GATB: variants seen among roughly 807,000 people sequenced by gnomAD.
GATB encodes glutamyl-tRNA(Gln) amidotransferase subunit B, mitochondrial.
A neutral mutation model predicts 62.3 loss-of-function variants in GATB; 39 were observed. The ratio of observed to expected loss-of-function variants is 0.63; its 90% confidence interval spans 0.48 to 0.82. The LOEUF (loss-of-function observed/expected upper bound fraction) is 0.82, where lower values mean the gene tolerates loss of function less well. GATB is among the 40% of genes least tolerant of loss of function. The pLI is 0.00. For synonymous variants in GATB, 276 were observed against 258.9 expected, an observed-to-expected ratio of 1.07 and a Z score of -0.63; for missense variants, 670 against 684.0, an observed-to-expected ratio of 0.98 and a Z score of 0.23.
chr4:151,677,079 C>G (rs1414362104), intron 11 of GATB, among the ~76,000 whole-genome samples: 2 of 152,172 alleles, frequency 1.3e-5, no homozygotes, highest in African/African-American at 4.8e-5. Context: ...TCCTTATCCC[C>G]TGGTCATCTA....
intron 2 of GATB, among the ~76,000 whole-genome samples, chr4:151,749,564 C>T (rs1006494226): frequency 7.2e-5 from 11 of 151,846 alleles, no homozygotes; most frequent in Non-Finnish European, 1.0e-4. Flanking sequence ...TGTAAATACA[C>T]CAACATGGCA....
chr4:151,737,103 A>C (rs1177949353), intron 2 of GATB, among the ~76,000 whole-genome samples: 1 of 152,236 alleles, frequency 6.6e-6, no homozygotes. Flanking sequence ...TACCAGGCAG[A>C]GGCTGGAACA....
rs1739893473 is a variant in GATB at position 151,758,896 on chromosome 4, C to T, written c.203G>A (p.Gly68Asp). ...KGEHKWAAVV[G>D]LEIHAQISSN... ...GGAAATCTGGGCATGAATTTCCAAA[C>T]CTACCACAGCAGCCCATTTGTGTTC... Residue 68 changes from glycine to aspartate, a missense_variant, in exon 2 of 13, where the codon GGT becomes GAT. Physicochemically the swap from Gly to Asp is moderately conservative, Grantham distance 94. Transcript: ENST00000263985. 1.2e-6 allele frequency: 2 copies of T among 1,610,322 alleles called. No individual in the cohort carries two copies. Among genetic ancestry groups the T allele is most frequent in the Admixed American group, 1.7e-5 (1 of 59,602 alleles).
chr4:151,715,468 C>G (rs1738895003), intron 5 of GATB, among the ~76,000 whole-genome samples: 1 of 152,218 alleles, frequency 6.6e-6, no homozygotes, highest in African/African-American at 2.4e-5. Context: ...CCCAAGGGTG[C>G]AGGTGTTTCT....
intron 9 of GATB, among the ~76,000 whole-genome samples, chr4:151,694,893 CATG>C (rs1406600247): frequency 1.3e-5 from 2 of 152,220 alleles, no homozygotes; most frequent in Non-Finnish European, 2.9e-5. Context: ...CAGCTGTAGT[CATG>C]ATATCTTTTC....
At position 151,671,216 on chromosome 4, in the gene GATB, TG is replaced by T. The variant is rs1328477472; in HGVS notation, c.1631del (p.Pro544GlnfsTer3). 2.5e-6 allele frequency: 4 copies of T among 1,614,084 alleles called. No individual in the cohort carries two copies. The highest frequency in any genetic ancestry group is 1.3e-5 in the African/African-American group (1 of 74,936). On this transcript the variant is annotated frameshift_variant, in exon 13 of 13. Coordinates refer to ENST00000263985, the MANE Select transcript of GATB (RefSeq NM_004564.3). LOFTEE classifies it high-confidence loss of function. ...VRKATQSRAD[P>X]VMIKEILEKK... ...TCTCCAGGATCTCCTTTATCATGAC[TG>T]GATCTGCTCGGCTTTGAGTCGCTTT... is the stretch of plus-strand genomic sequence containing the variant.
intron 11 of GATB, chr4:151,676,499 T>C (rs1378427934): frequency 6.6e-6 from 1 of 152,238 alleles, no homozygotes; most frequent in Non-Finnish European, 1.5e-5. Flanking sequence ...ACTAACCAGC[T>C]GTCTGGACGA....
intron 2 of GATB, among the ~76,000 whole-genome samples, chr4:151,754,853 G>A (rs544155434): frequency 2.0e-4 from 30 of 152,202 alleles, no homozygotes; most frequent in Non-Finnish European, 3.5e-4. Context: ...CTGAGGTGAT[G>A]AGATACCCAG....
At chr4:151,720,584 T>C (rs1010853137) in intron 2 of GATB, 12 of 152,330 alleles carry the variant, frequency 7.9e-5, no homozygotes, top group African/African-American at 2.2e-4. Flanking sequence ...TATACTATTA[T>C]TGATATAGAT....
At chr4:151,675,440 A>AT (rs1737979444) in intron 11 of GATB, 1 of 152,050 alleles carries the variant, frequency 6.6e-6, no homozygotes, top group South Asian at 2.1e-4. Context: ...GCTCAATCCT[A>AT]TTTAAGACGA....
In GATB at chr4:151,709,184, T is replaced by C. The variant is rs532568982; in HGVS notation, c.764-1083A>G. Reference sequence around the variant, plus strand: ...AATAAAGTAGTCAAAATGAATTCCATGTCAAGAAAAGGAGACCCTTGGAAC... The same window carrying C: ...AATAAAGTAGTCAAAATGAATTCCACGTCAAGAAAAGGAGACCCTTGGAAC... On this transcript the variant is annotated intron_variant, in intron 5 of 12. Transcript: ENST00000263985. 9.8e-5 allele frequency among the ~76,000 whole-genome samples: 15 copies of C among 152,310 alleles called. No homozygotes were observed. The South Asian group carries it at 3.1e-3, about 32-fold the overall frequency.
intron 9 of GATB, among the ~76,000 whole-genome samples, chr4:151,699,283 G>A (rs1401732001): frequency 2.6e-5 from 4 of 151,912 alleles, no homozygotes; most frequent in Non-Finnish European, 5.9e-5. Context: ...CAGCTACTCG[G>A]GAGGCTGAGG....
At chr4:151,729,817 G>C (rs963004520) in intron 2 of GATB, among the ~76,000 whole-genome samples, 1 of 152,156 alleles carries the variant, frequency 6.6e-6, no homozygotes, top group African/African-American at 2.4e-5. Flanking sequence ...AGAAGAAGGA[G>C]AGTCCCTAAA....
At chr4:151,755,747 G>GTT (rs1046286831) in intron 2 of GATB, among the ~76,000 whole-genome samples, 1 of 152,170 alleles carries the variant, frequency 6.6e-6, no homozygotes, top group African/African-American at 2.4e-5. Flanking sequence ...AAAACCATCA[G>GTT]TTAAATAACT....
At chr4:151,677,865 G>C (rs1456508167) in intron 11 of GATB, 1 of 151,154 alleles carries the variant, frequency 6.6e-6, no homozygotes, top group African/African-American at 2.5e-5. Context: ...TTAATAATAA[G>C]AAATAAACTA....
At chr4:151,733,402 C>T (rs879345141) in intron 2 of GATB, among the ~76,000 whole-genome samples, 5 of 152,140 alleles carry the variant, frequency 3.3e-5, no homozygotes, top group African/African-American at 4.8e-5. Flanking sequence ...AAATACAACT[C>T]TCCTAACTTA....
chr4:151,730,372 C>T lies in GATB; in HGVS notation c.328-10834G>A, dbSNP rs957262364. Among the ~76,000 whole-genome samples, 4 of 152,196 alleles carry T rather than the reference C, an allele frequency of 2.6e-5. No individual in the cohort carries two copies. The highest frequency in any genetic ancestry group is 4.4e-5 in the Non-Finnish European group (3 of 68,032). Reference sequence around the variant, plus strand: ...TAACAGAAGACGAAGGACATACAATCTTGGGAGTTCTAGGGCCCCGCCCAC... The same window carrying T: ...TAACAGAAGACGAAGGACATACAATTTTGGGAGTTCTAGGGCCCCGCCCAC... On this transcript the variant is annotated intron_variant, in intron 2 of 12. Coordinates refer to ENST00000263985, the MANE Select transcript of GATB (RefSeq NM_004564.3). This position sits in a 1 kb window ranked among gnomAD's most constrained non-coding sequence, Gnocchi z 4.1.
rs1738903689 is a variant in GATB, at chr4:151,715,938, A to G, written c.763+71T>C. On this transcript the variant is annotated intron_variant, in intron 5 of 12. Coordinates refer to ENST00000263985, the MANE Select transcript of GATB (RefSeq NM_004564.3). ...CTCAATATAATAGACAGAAAATAAAACTAAAGTCAGAGAGGTTCTAGAAGG... is the reference window on the plus strand; with the variant it reads ...CTCAATATAATAGACAGAAAATAAAGCTAAAGTCAGAGAGGTTCTAGAAGG... 1.1e-5 allele frequency: 16 copies of G among 1,518,860 alleles called. No individual in the cohort carries two copies. In the South Asian group the frequency reaches 2.1e-4, roughly 20 times the overall value. 94.1% of individuals were successfully genotyped at this position (1,518,860 alleles called of 1,614,324 possible). A position where few individuals can be genotyped will look rare whatever the true frequency, so the allele number is the denominator to read the frequency against.
chr4:151,681,433 G>A (rs10776524), intron 10 of GATB, among the ~76,000 whole-genome samples: 90,781 of 152,060 alleles, frequency 0.6, 29,645 homozygotes, highest in African/African-American at 0.88. Context: ...GGGGCAGCGG[G>A]CGGCTAAACA....
Sources: gnomAD v4.1 joint callset for allele counts (sites outside exome capture counted in the v4.1 genomes callset) on GRCh38, gnomAD v4.1.1 for gene constraint, Gnocchi (gnomAD v3.1) non-coding constraint, MANE v1.5 for transcripts, NCBI Gene and HGNC (gene_info 2026-07-23, HGNC 2026-07-21) for gene names.